Variants in CDHR3 observed in about 807,000 individuals in gnomAD.
CDHR3 encodes the protein cadherin-related family member 3.
CDHR3 carries 79 observed loss-of-function variants against 86.6 expected under a neutral mutation model. The observed-to-expected ratio is 0.91, with a 90% CI of 0.76 to 1.10. CDHR3 has a LOEUF of 1.10. Among genes scored for constraint, CDHR3 ranks in the 50% least tolerant of loss-of-function variants. The pLI is 0.00. For missense variants in CDHR3, 1,081 were observed against 1,077.6 expected (o/e 1.00, Z -0.04); for synonymous variants, 421 against 402.4 (o/e 1.05, Z -0.55).
chr7:106,028,187 T>C (rs1837669975), intron 16 of CDHR3, among the ~76,000 whole-genome samples: 1 of 148,890 alleles, frequency 6.7e-6, no homozygotes, highest in African/African-American at 2.4e-5. Context: ...TAAAAGGGCT[T>C]GGGAATTAAT....
chr7:105,992,746 C>T (rs1831551025), intron 4 of CDHR3, among the ~76,000 whole-genome samples: 1 of 152,136 alleles, frequency 6.6e-6, no homozygotes, highest in Non-Finnish European at 1.5e-5. Flanking sequence ...TTGATGATAA[C>T]ATCATTGCTA....
At chr7:106,007,124 C>T (rs745713043) in intron 8 of CDHR3, among the ~76,000 whole-genome samples, 4 of 152,202 alleles carry the variant, frequency 2.6e-5, no homozygotes, top group Non-Finnish European at 2.9e-5. Context: ...TTAATCAAAG[C>T]TAGAGCGGCT....
In CDHR3 at chr7:105,981,187, C is replaced by T. The variant is rs1029632314; in HGVS notation, c.415+54C>T. ...CCCAGACAGTGGCATCAGGGAGGGC[C>T]CTGGGGGACAGAGAGAAACAGAAAA... On this transcript the variant is annotated intron_variant, in intron 3 of 18. Coordinates refer to ENST00000317716, the MANE Select transcript of CDHR3 (RefSeq NM_152750.5). The T allele has an allele frequency of 1.4e-5, 22 of 1,543,412 alleles. No homozygotes were observed. The African/African-American group carries it at 3.0e-4, about 21-fold the overall frequency.
At chr7:105,971,439 A>G (rs1252645542) in intron 1 of CDHR3, among the ~76,000 whole-genome samples, 1 of 152,326 alleles carries the variant, frequency 6.6e-6, no homozygotes, top group East Asian at 1.9e-4. Flanking sequence ...TTCTTCAAAA[A>G]TATCTCTCAC....
At chr7:106,022,478 G>T (rs373350580) in intron 14 of CDHR3, 30 bp downstream of exon 14, 5 of 1,604,990 alleles carry the variant, frequency 3.1e-6, no homozygotes, top group Non-Finnish European at 3.4e-6. Flanking sequence ...GAATCCCCAG[G>T]CACATTCCCT....
At chr7:105,982,232 G>A (rs928029203) in intron 3 of CDHR3, among the ~76,000 whole-genome samples, 2 of 152,174 alleles carry the variant, frequency 1.3e-5, no homozygotes, top group African/African-American at 4.8e-5. Flanking sequence ...ACTTTGGGAG[G>A]CCGAGGCAGG....
At chr7:105,984,351 C>T in intron 4 of CDHR3, 62 bp downstream of exon 4, 7 of 1,312,634 alleles carry the variant, frequency 5.3e-6, no homozygotes, top group Non-Finnish European at 7.5e-6. Flanking sequence ...CAGGAGCCTG[C>T]TGTCCTGAGT....
Position 106,022,208 on chromosome 7 carries a change from C to A in CDHR3, c.1836C>A (p.Asn612Lys), listed in dbSNP as rs771145662. Reference sequence around the variant, plus strand: ...TCAAATCTCATTTAGGTAACGTCAACAATCATTTCACCTTCTCTCCCAATG... The same window carrying A: ...TCAAATCTCATTTAGGTAACGTCAAAAATCATTTCACCTTCTCTCCCAATG... ...FRYSIGPGNV[N>K]NHFTFSPNAG... Residue 612 changes from asparagine (N) to lysine (K), a missense_variant, in exon 14 of 19, where the codon AAC (asparagine) becomes AAA (lysine). Physicochemically the swap from Asn to Lys is moderately conservative, Grantham distance 94. Coordinates refer to ENST00000317716, the MANE Select transcript of CDHR3 (RefSeq NM_152750.5). 1 of 1,613,912 alleles carries A rather than the reference C, an allele frequency of 6.2e-7. No homozygotes were observed. Among genetic ancestry groups the A allele is most frequent in the Admixed American group, 1.7e-5 (1 of 60,008 alleles).
intron 11 of CDHR3, 122 bp from the exon 12 acceptor site, chr7:106,017,724 G>A: frequency 1.4e-6 from 1 of 717,336 alleles, no homozygotes; most frequent in South Asian, 1.9e-5. Flanking sequence ...ATAAAACAGA[G>A]TTTGGACAGC....
intron 4 of CDHR3, among the ~76,000 whole-genome samples, chr7:105,990,765 G>A (rs1363615536): frequency 6.6e-6 from 1 of 152,184 alleles, no homozygotes; most frequent in Non-Finnish European, 1.5e-5. Flanking sequence ...GGCACAGGTT[G>A]AATCATTGGT....
Position 106,030,131 on chromosome 7 carries a change from CT to C in CDHR3, c.2305-660del, listed in dbSNP as rs897175207. 3.9e-5 allele frequency among the ~76,000 whole-genome samples: 6 copies of C among 152,170 alleles called. No individual in the cohort carries two copies. The highest frequency in any genetic ancestry group is 1.4e-4 in the African/African-American group (6 of 41,434). ...GCTAGTGACCCTGACTTTGGCACCT[CT>C]AGAGGGCAGCATGTGAGGGAAGGGG... On this transcript the variant is annotated intron_variant, in intron 17 of 18. Coordinates refer to ENST00000317716, the MANE Select transcript of CDHR3 (RefSeq NM_152750.5). This position sits in a 1 kb window ranked among gnomAD's most constrained non-coding sequence, Gnocchi z 4.8.
chr7:105,969,036 A>G (rs922336431), intron 1 of CDHR3, among the ~76,000 whole-genome samples: 3 of 149,248 alleles, frequency 2.0e-5, no homozygotes, highest in Admixed American at 1.3e-4. Context: ...TGCAGTGAGC[A>G]GAGATCGCGC....
chr7:106,029,589 C>T (rs1838028765), intron 17 of CDHR3, among the ~76,000 whole-genome samples: 1 of 148,744 alleles, frequency 6.7e-6, no homozygotes, highest in African/African-American at 2.6e-5. Flanking sequence ...TTTGACAGAA[C>T]CTTATCTACC....
At chr7:106,021,548 T>G (rs1442854127) in intron 13 of CDHR3, among the ~76,000 whole-genome samples, 3 of 152,250 alleles carry the variant, frequency 2.0e-5, no homozygotes, top group African/African-American at 7.2e-5. Flanking sequence ...AGCGGGCATG[T>G]GCTTGGGCTG....
chr7:106,012,670 C>T (rs1435746500), intron 8 of CDHR3, among the ~76,000 whole-genome samples, 190 bp from the exon 9 acceptor site: 3 of 152,110 alleles, frequency 2.0e-5, no homozygotes, highest in South Asian at 2.1e-4. Flanking sequence ...TCCCTCTGGC[C>T]GCTGTGTTTA....
At position 106,004,673 on chromosome 7, in the gene CDHR3, A is replaced by G. The variant is rs1833689930; in HGVS notation, c.1038A>G (p.Gln346=). 6.2e-7 allele frequency: 1 copy of G among 1,613,886 alleles called. No individual in the cohort carries two copies. The change falls in exon 8 of 19, where the codon CAA becomes CAG. Residue 346 remains glutamine, a synonymous_variant. Coordinates refer to ENST00000317716, the MANE Select transcript of CDHR3 (RefSeq NM_152750.5). ...TCAACGACAATCCTGCCACATGCCA[A>G]AAGTTCACCTTCAGGTATGCACACT... ...EDVNDNPATC[Q]KFTFSIMVPE...
chr7:106,021,857 G>A (rs565537729), intron 13 of CDHR3, among the ~76,000 whole-genome samples: 4 of 152,310 alleles, frequency 2.6e-5, no homozygotes, highest in African/African-American at 4.8e-5. Context: ...AATAATTGCC[G>A]GATGAGAAAT....
intron 3 of CDHR3, among the ~76,000 whole-genome samples, chr7:105,982,452 G>T (rs934321080): frequency 1.5e-5 from 2 of 132,728 alleles, no homozygotes; most frequent in African/African-American, 6.0e-5. Flanking sequence ...CTGGGTGATA[G>T]AGCGAGACTC....
At chr7:105,999,119 G>A (rs754494598) in intron 6 of CDHR3, among the ~76,000 whole-genome samples, 4 of 152,270 alleles carry the variant, frequency 2.6e-5, no homozygotes, top group African/African-American at 9.6e-5. Context: ...GGGAATACAA[G>A]TGGTAGCAGA....
Sources: gnomAD v4.1 joint callset for allele counts (sites outside exome capture counted in the v4.1 genomes callset) on GRCh38, gnomAD v4.1.1 for gene constraint, Gnocchi (gnomAD v3.1) non-coding constraint, MANE v1.5 for transcripts, NCBI Gene and HGNC (gene_info 2026-07-23, HGNC 2026-07-21) for gene names.